FAM81A: variants seen among roughly 807,000 people sequenced by gnomAD.
FAM81A encodes protein FAM81A.
Under a neutral mutation model 46.7 loss-of-function variants are expected in FAM81A, and 19 were observed. That is an observed-to-expected ratio of 0.41 (90% CI 0.28 to 0.60). FAM81A has a LOEUF of 0.60. Among genes scored for constraint, FAM81A ranks in the 20% least tolerant of loss-of-function variants. The probability of loss-of-function intolerance (pLI) is 0.34; values close to 1 mark genes in which losing one functional copy is unlikely to be tolerated. For missense variants in FAM81A, 377 were observed against 453.5 expected (o/e 0.83, Z 1.53); for synonymous variants, 183 against 152.9 (o/e 1.20, Z -1.45).
intron 3 of FAM81A, among the ~76,000 whole-genome samples, chr15:59,461,216 G>C (rs2081547185): frequency 6.6e-6 from 1 of 152,138 alleles, no homozygotes; most frequent in Non-Finnish European, 1.5e-5. Flanking sequence ...TCTATCTCTA[G>C]AAATTGGTCT....
At chr15:59,487,842 A>G (rs2081936896) in intron 3 of FAM81A, among the ~76,000 whole-genome samples, 1 of 152,220 alleles carries the variant, frequency 6.6e-6, no homozygotes, top group Admixed American at 6.5e-5. Context: ...ATTAATAGCA[A>G]TCATACTGTA....
At chr15:59,508,774 A>G (rs2082174982) in intron 5 of FAM81A, 89 bp from the exon 6 acceptor site, 1 of 831,126 alleles carries the variant, frequency 1.2e-6, no homozygotes. Context: ...TCTTAATGCC[A>G]TTGACTACAA....
At chr15:59,506,617 C>T (rs77797921) in intron 4 of FAM81A, among the ~76,000 whole-genome samples, 4,091 of 152,252 alleles carry the variant, frequency 0.027, 71 homozygotes, top group Middle Eastern at 0.071. Flanking sequence ...TTCTGTGACT[C>T]TCCTATTAGG....
chr15:59,443,095 GTT>G (rs1223884184), intron 1 of FAM81A, among the ~76,000 whole-genome samples: 1 of 152,138 alleles, frequency 6.6e-6, no homozygotes, highest in Non-Finnish European at 1.5e-5. Flanking sequence ...GTTTTATTTT[GTT>G]TTTGAAATGG....
chr15:59,476,150 C>T (rs990474535), intron 3 of FAM81A, among the ~76,000 whole-genome samples: 1 of 152,084 alleles, frequency 6.6e-6, no homozygotes, highest in African/African-American at 2.4e-5. Flanking sequence ...AAGATTCTAC[C>T]CTCATGACCT....
chr15:59,493,371 C>G (rs2082001517), intron 4 of FAM81A, among the ~76,000 whole-genome samples: 1 of 152,142 alleles, frequency 6.6e-6, no homozygotes. Flanking sequence ...GATCACTCTC[C>G]TTCTGTGATT....
Position 59,463,666 on chromosome 15 carries a change from G to A in FAM81A, c.294+3460G>A, listed in dbSNP as rs550165577. 2.6e-5 allele frequency among the ~76,000 whole-genome samples: 4 copies of A among 152,000 alleles called. No individual in the cohort carries two copies. In the East Asian group the frequency reaches 7.7e-4, roughly 29 times the overall value. Reference sequence around the variant, plus strand: ...GAGACCAGCCTGAGCAACATAGTGAGACCCTATCTTTCTCTAAAAATAACA... The same window carrying A: ...GAGACCAGCCTGAGCAACATAGTGAAACCCTATCTTTCTCTAAAAATAACA... On this transcript the variant is annotated intron_variant, in intron 3 of 8. Transcript: ENST00000288228.
intron 2 of FAM81A, among the ~76,000 whole-genome samples, chr15:59,408,643 A>G (rs536111181): frequency 6.6e-6 from 1 of 152,284 alleles, no homozygotes; most frequent in East Asian, 1.9e-4. Flanking sequence ...CCTGGCTAAC[A>G]CAGTGAAAAC....
chr15:59,404,998 C>T (rs2081087877), intron 2 of FAM81A, among the ~76,000 whole-genome samples: 1 of 152,202 alleles, frequency 6.6e-6, no homozygotes, highest in African/African-American at 2.4e-5. Context: ...AGAGCTGACA[C>T]CAAACCCAGG....
intron 2 of FAM81A, among the ~76,000 whole-genome samples, chr15:59,459,595 G>C (rs1030383471): frequency 6.6e-6 from 1 of 152,002 alleles, no homozygotes; most frequent in Admixed American, 6.6e-5. Flanking sequence ...TTCAGAGAGG[G>C]AGGAGGAGGA....
At chr15:59,451,731 G>T (rs1340462468) in intron 1 of FAM81A, among the ~76,000 whole-genome samples, 2 of 152,124 alleles carry the variant, frequency 1.3e-5, no homozygotes, top group Non-Finnish European at 2.9e-5. Flanking sequence ...GGGATTATAG[G>T]CATGAGCCAC....
At chr15:59,463,085 T>C (rs1253383865) in intron 3 of FAM81A, among the ~76,000 whole-genome samples, 5 of 152,218 alleles carry the variant, frequency 3.3e-5, no homozygotes, top group Non-Finnish European at 7.3e-5. Context: ...TACAACTATT[T>C]GCTTATTAAT....
chr15:59,462,855 T>C (rs577335038), intron 3 of FAM81A, among the ~76,000 whole-genome samples: 1 of 152,332 alleles, frequency 6.6e-6, no homozygotes, highest in East Asian at 1.9e-4. Flanking sequence ...CATTTTTATA[T>C]TGGGTTATTT....
At chr15:59,435,868 A>G (rs920341073), upstream of FAM81A, among the ~76,000 whole-genome samples, 2 of 152,228 alleles carry the variant, frequency 1.3e-5, no homozygotes, top group African/African-American at 4.8e-5. Context: ...TGATTCTGGA[A>G]AAAATGGATA....
chr15:59,520,950 T>C (rs1249291700), intron 8 of FAM81A, among the ~76,000 whole-genome samples: 2 of 152,228 alleles, frequency 1.3e-5, no homozygotes, highest in East Asian at 3.9e-4. Flanking sequence ...CTGCTCAGGG[T>C]ATCTTTTCAG....
At chr15:59,449,549 A>G (rs1428205163) in intron 1 of FAM81A, among the ~76,000 whole-genome samples, 1 of 152,172 alleles carries the variant, frequency 6.6e-6, no homozygotes, top group African/African-American at 2.4e-5. Context: ...TGGGAGGCCA[A>G]GGCGGGCGGA....
chr15:59,514,633 A>G (rs2082247977), intron 7 of FAM81A, among the ~76,000 whole-genome samples: 1 of 152,258 alleles, frequency 6.6e-6, no homozygotes, highest in Non-Finnish European at 1.5e-5. Flanking sequence ...AAGACTAAGT[A>G]GAAAATTTCA....
chr15:59,465,196 T>C (rs1253493473), intron 3 of FAM81A, among the ~76,000 whole-genome samples: 1 of 152,248 alleles, frequency 6.6e-6, no homozygotes, highest in Non-Finnish European at 1.5e-5. Flanking sequence ...GCCAGTACCA[T>C]GCTGTTTTGG....
intron 3 of FAM81A, among the ~76,000 whole-genome samples, chr15:59,472,468 G>A (rs1468992647): frequency 1.3e-5 from 2 of 152,138 alleles, no homozygotes; most frequent in African/African-American, 2.4e-5. Flanking sequence ...AGTAGTTCCT[G>A]CTGCTTGGAC....
Sources: gnomAD v4.1 joint callset for allele counts (sites outside exome capture counted in the v4.1 genomes callset) on GRCh38, gnomAD v4.1.1 for gene constraint, MANE v1.5 for transcripts, NCBI Gene and HGNC (gene_info 2026-07-23, HGNC 2026-07-21) for gene names.